Variants in SLC39A8 observed in about 807,000 individuals in gnomAD.
SLC39A8 encodes metal cation symporter ZIP8.
In SLC39A8, 15 loss-of-function variants were observed where a neutral mutation model predicts 40.4. That is an observed-to-expected ratio of 0.37 (90% CI 0.25 to 0.57). The LOEUF is 0.57. Among genes scored for constraint, SLC39A8 ranks in the 20% least tolerant of loss-of-function variants. The probability of loss-of-function intolerance (pLI) is 0.75; values close to 1 mark genes in which losing one functional copy is unlikely to be tolerated. For missense variants in SLC39A8, 472 were observed against 558.8 expected, an observed-to-expected ratio of 0.84 and a Z score of 1.57; for synonymous variants, 223 against 221.6, an observed-to-expected ratio of 1.01 and a Z score of -0.06.
intron 3 of SLC39A8, among the ~76,000 whole-genome samples, chr4:102,311,595 T>A (rs1326453598): frequency 6.6e-6 from 1 of 152,060 alleles, no homozygotes. Flanking sequence ...ATTCTGCAAC[T>A]TCATCAAAAA....
chr4:102,328,511 TAGA>T (rs1423563099), intron 2 of SLC39A8, among the ~76,000 whole-genome samples: 1 of 152,212 alleles, frequency 6.6e-6, no homozygotes, highest in Admixed American at 6.5e-5. Context: ...AATATTAATT[TAGA>T]AGGTTATGTT....
At chr4:102,271,173 G>A (rs1002935838) in intron 6 of SLC39A8, among the ~76,000 whole-genome samples, 5 of 152,022 alleles carry the variant, frequency 3.3e-5, no homozygotes, top group Non-Finnish European at 7.4e-5. Flanking sequence ...AGAAGGAAAC[G>A]AGCAAGCATG....
chr4:102,344,805 G>C lies in SLC39A8; in HGVS notation c.-143C>G. ...TCAGAGGTGGCGCGGGACGCCCCTG[G>C]TTCTCCGACGCCTTCGAAAGAACAG... On this transcript the variant is annotated 5_prime_UTR_variant, in exon 2 of 9. Coordinates refer to ENST00000356736, the MANE Select transcript of SLC39A8 (RefSeq NM_001135146.2). 6 of 1,322,522 alleles carry C rather than the reference G, an allele frequency of 4.5e-6. No homozygotes were observed. Among genetic ancestry groups the C allele is most frequent in the Non-Finnish European group, 5.8e-6 (6 of 1,041,138 alleles). 81.9% of individuals were successfully genotyped at this position (1,322,522 alleles called of 1,614,324 possible).
In SLC39A8 at chr4:102,304,352, T is replaced by A. The variant is rs201376859; in HGVS notation, c.805A>T (p.Ile269Phe). The A allele has an allele frequency of 5.6e-6, 9 of 1,610,982 alleles. No individual in the cohort carries two copies. The highest frequency in any genetic ancestry group is 1.7e-4 in the Middle Eastern group (1 of 6,040). Residue 269 changes from isoleucine (I) to phenylalanine (F), a missense_variant, in exon 6 of 9, where the codon ATC becomes TTC. Physicochemically the swap from Ile to Phe is conservative, Grantham distance 21. Around this residue, in one of 4 missense-constraint regions of SLC39A8, gnomAD observed 239 missense variants for 317.9 expected, o/e 0.75. Coordinates refer to ENST00000356736, the MANE Select transcript of SLC39A8 (RefSeq NM_001135146.2). ...NPAVTEANGH[I>F]HFDNVSVVSL... Reference sequence around the variant, plus strand: ...ACCACACTGACATTATCAAAATGGATATGTCCATTAGCTTCTGTGACAGCA... The same window carrying A: ...ACCACACTGACATTATCAAAATGGAAATGTCCATTAGCTTCTGTGACAGCA...
intron 2 of SLC39A8, among the ~76,000 whole-genome samples, chr4:102,316,757 T>C (rs1734677885): frequency 6.6e-6 from 1 of 152,174 alleles, no homozygotes; most frequent in Non-Finnish European, 1.5e-5. Context: ...ATGATCTGAA[T>C]TATGTCTCCC....
chr4:102,305,528 T>C (rs752403802), intron 4 of SLC39A8, among the ~76,000 whole-genome samples: 6 of 152,002 alleles, frequency 3.9e-5, no homozygotes, highest in Admixed American at 2.0e-4. Context: ...TAGTCCATGA[T>C]ATCCAGAATC....
chr4:102,284,489 G>C (rs11941736), intron 6 of SLC39A8, among the ~76,000 whole-genome samples: 26,050 of 152,104 alleles, frequency 0.17, 2,450 homozygotes, highest in South Asian at 0.31. Flanking sequence ...TCACTGAATA[G>C]ATGAGAAGAA....
intron 6 of SLC39A8, among the ~76,000 whole-genome samples, chr4:102,286,145 T>C (rs1230272544): frequency 6.6e-6 from 1 of 152,186 alleles, no homozygotes. Flanking sequence ...TGACCAGCAA[T>C]AGAATAAGTA....
chr4:102,264,513 G>A (rs1732009797), intron 8 of SLC39A8, among the ~76,000 whole-genome samples: 1 of 152,166 alleles, frequency 6.6e-6, no homozygotes, highest in African/African-American at 2.4e-5. Context: ...CTAGGATTTG[G>A]GGAATGGTAA....
At chr4:102,283,740 G>T (rs1365165543) in intron 6 of SLC39A8, among the ~76,000 whole-genome samples, 7 of 152,144 alleles carry the variant, frequency 4.6e-5, no homozygotes, top group Non-Finnish European at 8.8e-5. Flanking sequence ...CCAATGTCTT[G>T]TATTATTAAC....
chr4:102,342,364 T>C (rs1289997190), intron 2 of SLC39A8, among the ~76,000 whole-genome samples: 1 of 152,176 alleles, frequency 6.6e-6, no homozygotes, highest in Admixed American at 6.5e-5. Context: ...CCCGGTGTGG[T>C]GGCACACGCC....
In SLC39A8 at chr4:102,267,970, A is replaced by G; in HGVS notation, c.950T>C (p.Ile317Thr). 2 of 1,614,234 alleles carry G rather than the reference A, an allele frequency of 1.2e-6. No individual in the cohort carries two copies. The highest frequency in any genetic ancestry group is 1.3e-5 in the African/African-American group (1 of 75,070). Residue 317 changes from isoleucine to threonine, a missense_variant, in exon 7 of 9, where the codon ATC (isoleucine) becomes ACC (threonine). Physicochemically the swap from Ile to Thr is moderately conservative, Grantham distance 89. Coordinates refer to ENST00000356736, the MANE Select transcript of SLC39A8 (RefSeq NM_001135146.2). Reference protein sequence around the residue: ...ITLCDALHNFIDGLAIGASCT... With the variant: ...ITLCDALHNFTDGLAIGASCT... Reference sequence around the variant, plus strand: ...GGAAGCCCCAATCGCCAGGCCATCGATGAAATTGTGGAGGGCATCGCAGAG... The same window carrying G: ...GGAAGCCCCAATCGCCAGGCCATCGGTGAAATTGTGGAGGGCATCGCAGAG...
chr4:102,291,257 T>C (rs573249635), intron 6 of SLC39A8, among the ~76,000 whole-genome samples: 7 of 152,154 alleles, frequency 4.6e-5, no homozygotes, highest in East Asian at 1.9e-4. Flanking sequence ...CATGTAACTT[T>C]AGAAGCATTG....
intron 8 of SLC39A8, among the ~76,000 whole-genome samples, chr4:102,266,799 G>T (rs1425640910): frequency 1.3e-5 from 2 of 152,010 alleles, no homozygotes; most frequent in Non-Finnish European, 2.9e-5. Context: ...GTAGAGACAG[G>T]GTTTCACCAT....
At chr4:102,252,033 G>A (rs752883104) in exon 12 of SLC39A8, 2 of 152,242 alleles carry the variant, frequency 1.3e-5, no homozygotes, top group Non-Finnish European at 2.9e-5. Context: ...CTAAGAGTAC[G>A]AAGTTTAACT....
intron 6 of SLC39A8, among the ~76,000 whole-genome samples, chr4:102,287,680 A>G (rs1733242533): frequency 6.6e-6 from 1 of 152,164 alleles, no homozygotes; most frequent in South Asian, 2.1e-4. Context: ...TATATGCTCA[A>G]AAATTTCTAG....
At chr4:102,263,949 T>C (rs1731975998) in intron 8 of SLC39A8, among the ~76,000 whole-genome samples, 1 of 152,204 alleles carries the variant, frequency 6.6e-6, no homozygotes. Context: ...ATCTTGCCAT[T>C]TCCACTACCT....
intron 8 of SLC39A8, among the ~76,000 whole-genome samples, chr4:102,266,405 C>T (rs151399): frequency 0.76 from 115,649 of 152,096 alleles, 44,329 homozygotes; most frequent in African/African-American, 0.79. Context: ...CAGAGAACAA[C>T]GAACAGAGCT....
rs185655733 is a variant in SLC39A8, at chr4:102,310,731, A to G, written c.383-3126T>C. Among the ~76,000 whole-genome samples the G allele has an allele frequency of 3.2e-3, 488 of 152,222 alleles. 4 individuals are homozygous for G. Among genetic ancestry groups the G allele is most frequent in the South Asian group, 0.012 (58 of 4,830 alleles). ...ACTTTCCACTTAACTGAAGCACCAA[A>G]AGTATACATTAGTATGAATCTATTC... On this transcript the variant is annotated intron_variant, in intron 3 of 8. Transcript: ENST00000356736.
Sources: gnomAD v4.1 joint callset for allele counts (sites outside exome capture counted in the v4.1 genomes callset) on GRCh38, gnomAD v4.1.1 for gene constraint, gnomAD v4.1.1 regional missense constraint, MANE v1.5 for transcripts, NCBI Gene and HGNC (gene_info 2026-07-23, HGNC 2026-07-21) for gene names.